Variants in CMSS1 observed in about 807,000 individuals in gnomAD.
The protein encoded by CMSS1 is protein CMSS1.
A neutral mutation model predicts 43.5 loss-of-function variants in CMSS1; 33 were observed. The observed-to-expected ratio is 0.76, with a 90% CI of 0.57 to 1.01. The LOEUF (loss-of-function observed/expected upper bound fraction) is 1.01. CMSS1 is among the 50% of genes least tolerant of loss of function. The pLI is 0.00. For synonymous variants in CMSS1, 115 were observed against 117.2 expected (o/e 0.98, Z 0.12); for missense variants, 313 against 326.4 (o/e 0.96, Z 0.32).
chr3:99,886,107 G>C (rs993012399), intron 1 of CMSS1, among the ~76,000 whole-genome samples: 10 of 152,216 alleles, frequency 6.6e-5, no homozygotes, highest in Non-Finnish European at 1.3e-4. Flanking sequence ...CTCTATGTGT[G>C]CACACGTGCA....
chr3:100,176,413 G>T lies in CMSS1; in HGVS notation c.754G>T (p.Glu252Ter), dbSNP rs768939083. 1.9e-6 allele frequency: 3 copies of T among 1,605,084 alleles called. No individual in the cohort carries two copies. Among genetic ancestry groups the T allele is most frequent in the East Asian group, 4.5e-5 (2 of 44,838 alleles). Residue 252 changes from glutamate to a stop codon, truncating the protein, a stop_gained and splice_region_variant, in exon 9 of 10, where the codon GAG (glutamate) becomes TAG (stop). Transcript: ENST00000421999. LOFTEE classifies it high-confidence loss of function. ...GTTGAGGAGAATGATGGACATTCCC[G>T]AGGTACCACGTAACCAGCAGTTGCC... ...QKLRRMMDIPEIRKEVFELLE... is the reference protein window; with the variant it reads ...QKLRRMMDIP
At chr3:99,994,711 G>A (rs560704768) in intron 1 of CMSS1, among the ~76,000 whole-genome samples, 168 of 152,266 alleles carry the variant, frequency 1.1e-3, no homozygotes, top group African/African-American at 3.8e-3. Context: ...GCACTCCCAC[G>A]TGGCTGGGGA....
At chr3:100,072,843 C>A (rs2065785371) in intron 1 of CMSS1, among the ~76,000 whole-genome samples, 1 of 152,152 alleles carries the variant, frequency 6.6e-6, no homozygotes, top group African/African-American at 2.4e-5. Flanking sequence ...AAGAAATAAT[C>A]CTCTCCTTCC....
chr3:99,902,745 C>G (rs567076347), intron 1 of CMSS1, among the ~76,000 whole-genome samples: 1 of 152,248 alleles, frequency 6.6e-6, no homozygotes, highest in South Asian at 2.1e-4. Flanking sequence ...CCATGTTATG[C>G]TTTCTACTAT....
At chr3:99,991,995 T>C (rs566820840) in intron 1 of CMSS1, among the ~76,000 whole-genome samples, 48 of 148,214 alleles carry the variant, frequency 3.2e-4, no homozygotes, top group African/African-American at 1.2e-3. Context: ...TATATATACG[T>C]ATATATATGT....
chr3:100,153,872 A>T (rs1054420314), intron 2 of CMSS1, among the ~76,000 whole-genome samples: 4 of 147,002 alleles, frequency 2.7e-5, no homozygotes, highest in African/African-American at 1.0e-4. Flanking sequence ...TTTTTTTAAG[A>T]TGGAGTCTTG....
intron 2 of CMSS1, among the ~76,000 whole-genome samples, chr3:100,149,237 G>A (rs371481870): frequency 6.6e-6 from 1 of 151,972 alleles, no homozygotes; most frequent in South Asian, 2.1e-4. Context: ...TAATCCTCAC[G>A]GCATCCCTAG....
In CMSS1 at chr3:100,171,835, T is replaced by C. The variant is rs2067112497; in HGVS notation, c.519-4T>C. The C allele has an allele frequency of 6.2e-7, 1 of 1,613,564 alleles. No individual in the cohort carries two copies. Among genetic ancestry groups the C allele is most frequent in the Non-Finnish European group, 8.5e-7 (1 of 1,179,678 alleles). Reference sequence around the variant, plus strand: ...TTAAGCATTCACCTGCTTCTTTTCATTAGGTCGATGACAGCATTCAGAGGA... The same window carrying C: ...TTAAGCATTCACCTGCTTCTTTTCACTAGGTCGATGACAGCATTCAGAGGA... On this transcript the variant is annotated splice_polypyrimidine_tract_variant and splice_region_variant and intron_variant, in intron 6 of 9. Coordinates refer to ENST00000421999, the MANE Select transcript of CMSS1 (RefSeq NM_032359.4).
intron 1 of CMSS1, among the ~76,000 whole-genome samples, chr3:99,948,765 G>A (rs982949593): frequency 1.4e-5 from 2 of 147,056 alleles, no homozygotes; most frequent in Admixed American, 1.4e-4. Flanking sequence ...AAGGAAGGAA[G>A]GAAAGAAAAA....
chr3:99,936,506 G>A (rs1014461657), intron 1 of CMSS1, among the ~76,000 whole-genome samples: 2 of 141,588 alleles, frequency 1.4e-5, no homozygotes, highest in Non-Finnish European at 3.0e-5. Context: ...CTCCCAAGTA[G>A]CTGGGACTAC....
At chr3:100,159,117 C>T (rs2067001501) in intron 2 of CMSS1, among the ~76,000 whole-genome samples, 1 of 152,148 alleles carries the variant, frequency 6.6e-6, no homozygotes, top group African/African-American at 2.4e-5. Flanking sequence ...TGGCATGTAC[C>T]AGCATCAAAT....
At chr3:100,163,423 C>T (rs2067041962) in intron 4 of CMSS1, among the ~76,000 whole-genome samples, 1 of 152,200 alleles carries the variant, frequency 6.6e-6, no homozygotes, top group South Asian at 2.1e-4. Flanking sequence ...GCGAGGCTGA[C>T]ACTTTGCCTC....
intron 1 of CMSS1, chr3:99,833,304 A>G (rs890295719): frequency 6.5e-7 from 1 of 1,531,442 alleles, no homozygotes; most frequent in East Asian, 2.2e-5. Flanking sequence ...TGTGGAATAT[A>G]TTAAATTCTA....
At chr3:100,005,488 C>G (rs1709962308) in intron 1 of CMSS1, among the ~76,000 whole-genome samples, 1 of 152,274 alleles carries the variant, frequency 6.6e-6, no homozygotes, top group Non-Finnish European at 1.5e-5. Flanking sequence ...TTTATAGCAT[C>G]CCTGAGAATT....
At chr3:100,103,848 G>C (rs891748301) in intron 1 of CMSS1, among the ~76,000 whole-genome samples, 1 of 152,204 alleles carries the variant, frequency 6.6e-6, no homozygotes. Flanking sequence ...TCTATGCCCT[G>C]TGTGTTGGCA....
At chr3:99,951,983 A>G (rs1422996010) in intron 1 of CMSS1, among the ~76,000 whole-genome samples, 1 of 152,234 alleles carries the variant, frequency 6.6e-6, no homozygotes, top group Non-Finnish European at 1.5e-5. Flanking sequence ...CTGCAAGAAT[A>G]CCTGCCCCCA....
intron 1 of CMSS1, among the ~76,000 whole-genome samples, chr3:100,009,426 A>G (rs1193447265): frequency 6.6e-6 from 1 of 152,172 alleles, no homozygotes; most frequent in Admixed American, 6.5e-5. Flanking sequence ...GAGCAGTCAA[A>G]GACATTAATG....
At chr3:100,043,776 A>T (rs183556133) in intron 1 of CMSS1, among the ~76,000 whole-genome samples, 1 of 152,264 alleles carries the variant, frequency 6.6e-6, no homozygotes, top group African/African-American at 2.4e-5. Context: ...TAGTTAACAT[A>T]TCCATCACCT....
rs2067174196 is a variant in CMSS1 at position 100,179,862 on chromosome 3, G to A, written c.*1474G>A. The A allele has an allele frequency of 6.6e-6, 1 of 152,368 alleles. No homozygotes were observed. Among genetic ancestry groups the A allele is most frequent in the African/African-American group, 2.4e-5 (1 of 41,564 alleles). 9.4% of individuals were successfully genotyped at this position (152,368 alleles called of 1,614,324 possible). On this transcript the variant is annotated 3_prime_UTR_variant, in exon 10 of 10. Transcript: ENST00000421999. The stretch of plus-strand genomic sequence containing the variant: ...TGCCCTAGTAGAGGCTCTCCATGAG[G>A]GCTTCACCCCTGTAGCAGACTTCTG...
Sources: allele counts gnomAD v4.1 joint callset (sites outside exome capture counted in the v4.1 genomes callset), GRCh38; gene constraint gnomAD v4.1.1; transcripts MANE v1.5; gene names NCBI Gene and HGNC (gene_info 2026-07-23, HGNC 2026-07-21).